Variants in ZXDC observed in about 807,000 individuals in gnomAD.
ZXDC encodes ZXD family zinc finger C, also known as zinc finger protein ZXDC.
A neutral mutation model predicts 63.6 loss-of-function variants in ZXDC; 58 were observed. That is an observed-to-expected ratio of 0.91 (90% CI 0.74 to 1.13). ZXDC has a LOEUF of 1.13. Ranked by LOEUF, ZXDC falls within the 50% of genes most tolerant of loss-of-function variation. The probability of loss-of-function intolerance (pLI) is 0.00; values close to 1 mark genes in which losing one functional copy is unlikely to be tolerated. For synonymous variants in ZXDC, 561 were observed against 496.1 expected, an observed-to-expected ratio of 1.13 and a Z score of -1.74; for missense variants, 1,133 against 1,148.9, an observed-to-expected ratio of 0.99 and a Z score of 0.20.
intron 9 of ZXDC, 27 bp from the exon 10 acceptor site, chr3:126,438,488 A>C (rs774397018): frequency 1.2e-6 from 2 of 1,602,328 alleles, no homozygotes. Context: ...TGTCATGAAG[A>C]GGGAGGAGGG....
intron 7 of ZXDC, among the ~76,000 whole-genome samples, chr3:126,447,778 G>A (rs921566762): frequency 2.0e-5 from 3 of 152,212 alleles, no homozygotes; most frequent in East Asian, 1.9e-4. Context: ...GACCCTGCAC[G>A]TCTCTTGCGG....
At position 126,449,452 on chromosome 3, in the gene ZXDC, T is replaced by C. The variant is rs1576667335; in HGVS notation, c.2213-7506A>G. 2.6e-5 allele frequency among the ~76,000 whole-genome samples: 4 copies of C among 152,248 alleles called. 1 individual carries two copies. The highest frequency in any genetic ancestry group is 6.5e-5 in the Admixed American group (1 of 15,290). ...ACCCTACAAAGCCAGGTCCCATCAC[T>C]TTCCCCATTTCACAGAAGGGGATGC... On this transcript the variant is annotated intron_variant, in intron 7 of 9. Coordinates refer to ENST00000389709, the MANE Select transcript of ZXDC (RefSeq NM_025112.5).
intron 5 of ZXDC, among the ~76,000 whole-genome samples, chr3:126,463,218 G>A (rs569649246): frequency 1.1e-3 from 161 of 152,168 alleles, no homozygotes; most frequent in African/African-American, 3.4e-3. Context: ...ACAGGCACCC[G>A]CCACTATGCC....
intron 7 of ZXDC, among the ~76,000 whole-genome samples, chr3:126,456,952 C>T (rs958332051): frequency 2.6e-5 from 4 of 152,186 alleles, no homozygotes; most frequent in African/African-American, 7.2e-5. Flanking sequence ...ACCTCACCCC[C>T]GTCTCCAGCA....
intron 1 of ZXDC, among the ~76,000 whole-genome samples, chr3:126,474,062 C>CTTTT (rs796761643): frequency 3.1e-5 from 4 of 129,904 alleles, no homozygotes; most frequent in Admixed American, 7.6e-5. Context: ...AGGCAGTGGA[C>CTTTT]TTTTTTTTTT....
At chr3:126,462,377 C>T (rs1934592964) in intron 5 of ZXDC, among the ~76,000 whole-genome samples, 157 bp from the exon 6 acceptor site, 1 of 152,098 alleles carries the variant, frequency 6.6e-6, no homozygotes. Flanking sequence ...GTCCCATGGC[C>T]GGTCGCTCAG....
intron 7 of ZXDC, among the ~76,000 whole-genome samples, chr3:126,455,916 C>A (rs1024761987): frequency 1.3e-5 from 2 of 151,832 alleles, no homozygotes; most frequent in African/African-American, 4.8e-5. Flanking sequence ...AGGAGAATGG[C>A]GTGAACCTGG....
At chr3:126,467,531 T>C (rs372931519) in intron 4 of ZXDC, among the ~76,000 whole-genome samples, 12 of 152,306 alleles carry the variant, frequency 7.9e-5, no homozygotes, top group African/African-American at 2.9e-4. Context: ...AGGAGGGATA[T>C]TTTAAGGAAA....
intron 7 of ZXDC, among the ~76,000 whole-genome samples, chr3:126,449,017 G>A (rs1381174087): frequency 1.3e-5 from 2 of 152,192 alleles, no homozygotes; most frequent in Non-Finnish European, 2.9e-5. Context: ...ACGGCACATA[G>A]CACAGGGTAT....
intron 7 of ZXDC, chr3:126,453,906 G>T (rs1375271331): frequency 1.0e-6 from 1 of 984,574 alleles, no homozygotes; most frequent in African/African-American, 1.8e-5. Flanking sequence ...TAGAGGTTTT[G>T]TTTTCCAAGT....
At chr3:126,460,996 TGATATA>T (rs1169785040) in intron 6 of ZXDC, 1 of 976,284 alleles carries the variant, frequency 1.0e-6, no homozygotes, top group African/African-American at 1.8e-5. Flanking sequence ...AATGTATAAT[TGATATA>T]AAGTATATTA....
At chr3:126,456,551 T>C (rs1934314448) in intron 7 of ZXDC, among the ~76,000 whole-genome samples, 2 of 152,212 alleles carry the variant, frequency 1.3e-5, no homozygotes, top group Non-Finnish European at 2.9e-5. Context: ...GAGAGGACAC[T>C]TGAAGCGTCA....
chr3:126,438,569 TTC>T, intron 9 of ZXDC, 108 bp from the exon 10 acceptor site: 1 of 930,632 alleles, frequency 1.1e-6, no homozygotes, highest in East Asian at 2.6e-5. Context: ...GATACCTGAC[TTC>T]TCTTACTCAA....
chr3:126,459,462 C>T (rs1037757086), intron 7 of ZXDC, 191 bp downstream of exon 7: 62 of 985,338 alleles, frequency 6.3e-5, no homozygotes, highest in Middle Eastern at 1.0e-3. Flanking sequence ...TATGTTCATA[C>T]TGATGCTGGG....
At chr3:126,463,016 T>G (rs1286418519) in intron 5 of ZXDC, among the ~76,000 whole-genome samples, 1 of 151,608 alleles carries the variant, frequency 6.6e-6, no homozygotes, top group Non-Finnish European at 1.5e-5. Flanking sequence ...TGACCACCAC[T>G]GTCCCCTCAG....
chr3:126,459,233 GACAC>G, intron 7 of ZXDC: 1 of 985,404 alleles, frequency 1.0e-6, no homozygotes. Context: ...AATGCCACAG[GACAC>G]ACAGTTTGGC....
intron 7 of ZXDC, chr3:126,459,411 T>C: frequency 2.0e-6 from 2 of 985,478 alleles, no homozygotes; most frequent in Non-Finnish European, 2.4e-6. Flanking sequence ...CACTGGTGTT[T>C]GAACGCTTAA....
chr3:126,474,632 G>A (rs1576697263), intron 1 of ZXDC, among the ~76,000 whole-genome samples: 1 of 152,202 alleles, frequency 6.6e-6, no homozygotes, highest in East Asian at 1.9e-4. Context: ...CGAGACTGAG[G>A]AAAATAAAGA....
intron 7 of ZXDC, among the ~76,000 whole-genome samples, chr3:126,455,892 CG>C (rs1402201125): frequency 4.6e-5 from 7 of 151,746 alleles, no homozygotes; most frequent in African/African-American, 1.7e-4. Flanking sequence ...CCCAGCTACT[CG>C]GGAGGCTGAG....
Sources: allele counts gnomAD v4.1 joint callset (sites outside exome capture counted in the v4.1 genomes callset), GRCh38; gene constraint gnomAD v4.1.1; transcripts MANE v1.5; gene names NCBI Gene and HGNC (gene_info 2026-07-23, HGNC 2026-07-21).